The following GPR55 variants were observed in gnomAD, a reference collection of about 807,000 sequenced individuals.
The protein encoded by GPR55 is G-protein coupled receptor 55.
Under a neutral mutation model 7.9 loss-of-function variants are expected in GPR55, and 6 were observed. The ratio of observed to expected loss-of-function variants is 0.76; its 90% CI spans 0.41 to 1.49. The LOEUF is 1.49. Among genes scored for constraint, GPR55 ranks in the 40% most tolerant of loss-of-function variants. The pLI, the probability that GPR55 is intolerant of heterozygous loss-of-function variation, is 0.01. For synonymous variants in GPR55, 183 were observed against 166.8 expected (o/e 1.10, Z -0.75); for missense variants, 376 against 406.0 (o/e 0.93, Z 0.63).
intron 1 of GPR55, among the ~76,000 whole-genome samples, chr2:230,949,451 C>T (rs528113230): frequency 5.9e-5 from 9 of 152,288 alleles, no homozygotes; most frequent in Middle Eastern, 3.4e-3. Context: ...CGTGAGCCAC[C>T]GCGCCCATCC....
intron 1 of GPR55, chr2:230,957,526 G>C (rs1410131608): frequency 6.0e-5 from 22 of 365,090 alleles, no homozygotes; most frequent in South Asian, 4.8e-4. Flanking sequence ...GAGGGGCGCG[G>C]CTGGCCGGTC....
intron 1 of GPR55, among the ~76,000 whole-genome samples, chr2:230,943,133 T>A (rs905645107): frequency 6.7e-6 from 1 of 148,312 alleles, no homozygotes; most frequent in Non-Finnish European, 1.5e-5. Context: ...GAGAGAGCGC[T>A]CTCTGTAGCA....
chr2:230,955,178 A>C (rs1054445129), intron 1 of GPR55, among the ~76,000 whole-genome samples: 46 of 152,258 alleles, frequency 3.0e-4, no homozygotes, highest in African/African-American at 1.1e-3. Context: ...TGGCAAAGAA[A>C]AGAATAATTC....
chr2:230,914,433 G>A (rs942481993), intron 1 of GPR55, among the ~76,000 whole-genome samples: 7 of 152,078 alleles, frequency 4.6e-5, no homozygotes, highest in South Asian at 4.1e-4. Context: ...AAATACTGCC[G>A]GCTAATGGCA....
At chr2:230,933,759 C>G (rs1052343363) in intron 1 of GPR55, among the ~76,000 whole-genome samples, 2 of 152,204 alleles carry the variant, frequency 1.3e-5, no homozygotes, top group Non-Finnish European at 2.9e-5. Context: ...CTCCAGGAGG[C>G]AGGGCGGGGG....
intron 1 of GPR55, among the ~76,000 whole-genome samples, chr2:230,945,797 C>T (rs1379214574): frequency 6.6e-6 from 1 of 152,190 alleles, no homozygotes; most frequent in African/African-American, 2.4e-5. Flanking sequence ...TGGTCTCGAT[C>T]TACTGACCTC....
At chr2:230,950,868 T>C (rs551077784) in intron 1 of GPR55, among the ~76,000 whole-genome samples, 98 of 152,212 alleles carry the variant, frequency 6.4e-4, no homozygotes, top group African/African-American at 2.3e-3. Flanking sequence ...TTCTGTCCTA[T>C]GCCCTGAGAG....
Position 230,908,356 on chromosome 2 carries a change from G to A in GPR55, c.*1647C>T, listed in dbSNP as rs76190894. 2,298 of 152,408 alleles carry A rather than the reference G, an allele frequency of 0.015. 23 individuals are homozygous for A. The highest frequency in any genetic ancestry group is 0.034 in the Admixed American group (520 of 15,298). 9.4% of individuals were successfully genotyped at this position (152,408 alleles called of 1,614,324 possible). A position where few individuals can be genotyped will look rare whatever the true frequency, so the allele number is the denominator to read the frequency against. On this transcript the variant is annotated 3_prime_UTR_variant, in exon 2 of 2. Transcript: ENST00000650999. ...TGCCACTTGAACACAGCAACAGCGG[G>A]AGCTGCTCCTGAGAAGGCGACTCCT...
In GPR55 at chr2:230,923,940, G is replaced by T. The variant is rs1690894497; in HGVS notation, c.-135+1228C>A. 6.6e-6 allele frequency among the ~76,000 whole-genome samples: 1 copy of T among 151,746 alleles called. No individual in the cohort carries two copies. The highest frequency in any genetic ancestry group is 2.1e-4 in the South Asian group (1 of 4,804). On this transcript the variant is annotated intron_variant, in intron 1 of 1. Coordinates refer to ENST00000650999, the MANE Select transcript of GPR55 (RefSeq NM_005683.4). The surrounding 1 kb of genome is among the most constrained non-coding windows in gnomAD (Gnocchi z 4.1). ...CATGCTCATGCTCCTCTTTCTCCTT[G>T]GACTCTCTCCTCCACTGCTAAAAAT...
intron 1 of GPR55, among the ~76,000 whole-genome samples, chr2:230,913,163 A>G (rs764527717): frequency 2.0e-5 from 3 of 152,220 alleles, no homozygotes; most frequent in African/African-American, 4.8e-5. Flanking sequence ...GCTTATTCAT[A>G]AACATTTAGG....
chr2:230,953,663 G>A (rs190296683), intron 1 of GPR55, among the ~76,000 whole-genome samples: 147 of 152,274 alleles, frequency 9.7e-4, no homozygotes, highest in Non-Finnish European at 1.4e-3. Context: ...AGCAGGAAGG[G>A]GAAATAAACA....
Position 230,959,145 on chromosome 2 carries a change from T to C in GPR55, c.-135+1630A>G, listed in dbSNP as rs538849391. On this transcript the variant is annotated intron_variant, in intron 1 of 1. Transcript: ENST00000392039. ...ATCGAATACTTTGTTGCCAGTGTTG[T>C]GGTTTAAGGGCTTCCAACAGGCCAG... Among the ~76,000 whole-genome samples the C allele has an allele frequency of 3.3e-5, 5 of 152,284 alleles. No homozygotes were observed. In the South Asian group the frequency reaches 1.0e-3, roughly 32 times the overall value.
At chr2:230,927,928 C>A (rs1690970602), upstream of GPR55, among the ~76,000 whole-genome samples, 1 of 152,232 alleles carries the variant, frequency 6.6e-6, no homozygotes, top group South Asian at 2.1e-4. Context: ...TGGCCCAGAG[C>A]TGTGCAAGAA....
intron 1 of GPR55, among the ~76,000 whole-genome samples, chr2:230,930,371 G>A (rs906806571): frequency 6.6e-6 from 1 of 151,764 alleles, no homozygotes; most frequent in Non-Finnish European, 1.5e-5. Context: ...TACGTGTTGA[G>A]TCTTTTCTCC....
intron 1 of GPR55, among the ~76,000 whole-genome samples, chr2:230,917,754 G>T (rs1167755169): frequency 6.6e-6 from 1 of 152,156 alleles, no homozygotes; most frequent in Non-Finnish European, 1.5e-5. Context: ...GGTCGAGGCT[G>T]CAGTGACCTG....
At chr2:230,926,931 T>G (rs190298764), upstream of GPR55, among the ~76,000 whole-genome samples, 9 of 152,126 alleles carry the variant, frequency 5.9e-5, no homozygotes, top group East Asian at 1.7e-3. Context: ...GACCTCGTGA[T>G]TCACCCACCT....
upstream of GPR55, among the ~76,000 whole-genome samples, chr2:230,925,662 G>A (rs1358351071): frequency 6.6e-6 from 1 of 152,158 alleles, no homozygotes; most frequent in Non-Finnish European, 1.5e-5. Context: ...GGGGGTTTAG[G>A]ATTTGAAACT....
intron 1 of GPR55, among the ~76,000 whole-genome samples, chr2:230,930,987 C>G (rs1691029589): frequency 6.6e-6 from 1 of 152,172 alleles, no homozygotes; most frequent in Admixed American, 6.5e-5. Flanking sequence ...GAGGGGCTGA[C>G]AGGTGAAGGC....
intron 1 of GPR55, among the ~76,000 whole-genome samples, chr2:230,933,160 C>CTCCCATCTCTCA (rs1346929865): frequency 1.3e-5 from 2 of 152,002 alleles, no homozygotes; most frequent in African/African-American, 2.4e-5. Flanking sequence ...CCTAGCCAAG[C>CTCCCATCTCTCA]CCCTGAAGTC....
Sources: allele counts gnomAD v4.1 joint callset (sites outside exome capture counted in the v4.1 genomes callset), GRCh38; gene constraint gnomAD v4.1.1; non-coding constraint Gnocchi (gnomAD v3.1); transcripts MANE v1.5; gene names NCBI Gene and HGNC (gene_info 2026-07-23, HGNC 2026-07-21).